The following PP2D1 variants were observed in gnomAD, a reference collection of about 807,000 sequenced individuals.
PP2D1 encodes the protein protein phosphatase 2C-like domain-containing protein 1.
A neutral mutation model predicts 30.2 loss-of-function variants in PP2D1; 25 were observed. That is an observed-to-expected ratio of 0.83 (90% CI 0.60 to 1.16). The LOEUF is 1.16. PP2D1 is among the 50% of genes most tolerant of loss of function. The pLI is 0.00. For synonymous variants in PP2D1, 260 were observed against 258.9 expected (o/e 1.00, Z -0.04); for missense variants, 760 against 742.4 (o/e 1.02, Z -0.28).
chr3:19,980,502 A>C (rs1280894388), downstream of PP2D1, among the ~76,000 whole-genome samples: 2 of 151,754 alleles, frequency 1.3e-5, no homozygotes, highest in Non-Finnish European at 2.9e-5. Flanking sequence ...TAGTAACTTA[A>C]ATCACACAGT....
Position 20,012,098 on chromosome 3 carries a change from C to A in PP2D1, c.-26G>T. The A allele has an allele frequency of 6.6e-7, 1 of 1,525,680 alleles. No individual in the cohort carries two copies. Among genetic ancestry groups the A allele is most frequent in the Admixed American group, 2.0e-5 (1 of 50,564 alleles). 94.5% of individuals were successfully genotyped at this position (1,525,680 alleles called of 1,614,324 possible). On this transcript the variant is annotated 5_prime_UTR_variant, in exon 1 of 3. Transcript: ENST00000389050. Reference sequence around the variant, plus strand: ...GTTCCTTTGGAATTACCTTTCTTTGCCCTCCCTTTATCCCCTTCCCCTGGC... The same window carrying A: ...GTTCCTTTGGAATTACCTTTCTTTGACCTCCCTTTATCCCCTTCCCCTGGC...
chr3:20,011,692 G>A (rs528515149), intron 1 of PP2D1, among the ~76,000 whole-genome samples: 28 of 152,158 alleles, frequency 1.8e-4, no homozygotes, highest in Non-Finnish European at 3.5e-4. Context: ...CCAGCTACTC[G>A]GGAGGCTGAG....
At chr3:19,987,636 A>T (rs1351266517) in intron 2 of PP2D1, among the ~76,000 whole-genome samples, 1 of 152,138 alleles carries the variant, frequency 6.6e-6, no homozygotes, top group East Asian at 1.9e-4. Flanking sequence ...AAGGCCAGGT[A>T]TGGTGGCTTA....
At chr3:19,994,868 T>C (rs62241325) in intron 2 of PP2D1, among the ~76,000 whole-genome samples, 23,218 of 152,158 alleles carry the variant, frequency 0.15, 1,976 homozygotes, top group Non-Finnish European at 0.2. Context: ...TACATGTGTG[T>C]GAGGAAACTC....
chr3:19,986,365 A>G (rs749894285), intron 2 of PP2D1, among the ~76,000 whole-genome samples, 183 bp from the exon 3 acceptor site: 5 of 152,230 alleles, frequency 3.3e-5, no homozygotes, highest in Non-Finnish European at 5.9e-5. Context: ...TACAGATTTC[A>G]AACAGGTCAA....
At chr3:19,982,525 TGGTTACTC>T (rs1332376148), downstream of PP2D1, among the ~76,000 whole-genome samples, 1 of 152,158 alleles carries the variant, frequency 6.6e-6, no homozygotes, top group East Asian at 1.9e-4. Flanking sequence ...AGGCAGCTGA[TGGTTACTC>T]TGCAAGGTGT....
intron 2 of PP2D1, among the ~76,000 whole-genome samples, chr3:19,993,565 G>T (rs768830657): frequency 6.6e-6 from 1 of 151,960 alleles, no homozygotes; most frequent in African/African-American, 2.4e-5. Context: ...GTGAAACCCC[G>T]TCTTTACATA....
At chr3:20,000,899 A>C in intron 2 of PP2D1, 131 bp downstream of exon 2, 1 of 436,070 alleles carries the variant, frequency 2.3e-6, no homozygotes, top group Non-Finnish European at 3.9e-6. Flanking sequence ...TGTTTCTTAT[A>C]TTGATCAATG....
In PP2D1 at chr3:20,001,870, G is replaced by A. The variant is rs779420834; in HGVS notation, c.250C>T (p.Gln84Ter). The change falls in exon 2 of 3, where the codon CAA becomes TAA. Residue 84 changes from glutamine to a stop codon, truncating the protein, a stop_gained. Coordinates refer to ENST00000389050, the MANE Select transcript of PP2D1 (RefSeq NM_001252657.2). LOFTEE classifies it high-confidence loss of function. Reference protein sequence around the residue: ...DLTGIFLHKKQHVALATLGFQ... With the variant: ...DLTGIFLHKK ...CCCAGCGTGGCCAGAGCTACATGTTGCTTCTTATGGAGAAAAATACCAGTT... is the reference window on the plus strand; with the variant it reads ...CCCAGCGTGGCCAGAGCTACATGTTACTTCTTATGGAGAAAAATACCAGTT... 7.5e-5 allele frequency: 115 copies of A among 1,536,052 alleles called. No individual in the cohort carries two copies. In the East Asian group the frequency reaches 2.2e-3, roughly 30 times the overall value.
chr3:20,001,653 C>T lies in PP2D1; in HGVS notation c.467G>A (p.Ser156Asn). The T allele has an allele frequency of 6.5e-7, 1 of 1,536,070 alleles. No homozygotes were observed. Among genetic ancestry groups the T allele is most frequent in the Non-Finnish European group, 8.7e-7 (1 of 1,146,794 alleles). ...ACATATTTTTTGAGAATATATGACA[C>T]TCCTGTCAATGTTATCAAAAATCTT... is the stretch of plus-strand genomic sequence containing the variant. ...YYKIFDNIDR[S>N]VIYSQKICHL... The change falls in exon 2 of 3, where the codon AGT becomes AAT. Residue 156 changes from serine (S) to asparagine (N), a missense_variant. Physicochemically the swap from Ser to Asn is conservative, Grantham distance 46 (BLOSUM62 1). This residue lies in a region of PP2D1 where 374 missense variants were observed against 388.8 expected (regional missense o/e 0.96). Coordinates refer to ENST00000389050, the MANE Select transcript of PP2D1 (RefSeq NM_001252657.2).
chr3:20,011,691 C>T (rs138683950), intron 1 of PP2D1, among the ~76,000 whole-genome samples: 4,021 of 151,962 alleles, frequency 0.026, 171 homozygotes, highest in African/African-American at 0.092. Context: ...CCCAGCTACT[C>T]GGGAGGCTGA....
chr3:19,980,449 T>TC (rs1368370608), downstream of PP2D1, among the ~76,000 whole-genome samples: 2 of 151,670 alleles, frequency 1.3e-5, no homozygotes, highest in Non-Finnish European at 2.9e-5. Flanking sequence ...TAGTAAATTT[T>TC]TTTTTCTTTT....
chr3:19,985,196 C>CT (rs1209130911), downstream of PP2D1: 104 of 521,442 alleles, frequency 2.0e-4, no homozygotes, highest in South Asian at 3.7e-4. Flanking sequence ...TTCTCTTTTC[C>CT]TTTTTTTTGG....
chr3:19,996,478 G>A (rs1454100999), intron 2 of PP2D1, among the ~76,000 whole-genome samples: 1 of 152,084 alleles, frequency 6.6e-6, no homozygotes, highest in Non-Finnish European at 1.5e-5. Context: ...GGACCAGATG[G>A]CTTCACTGCT....
intron 2 of PP2D1, among the ~76,000 whole-genome samples, chr3:19,986,831 T>C (rs1405227158): frequency 6.6e-6 from 1 of 152,126 alleles, no homozygotes; most frequent in Non-Finnish European, 1.5e-5. Context: ...GGTCAGGCGT[T>C]CGAGACCAGC....
At chr3:19,980,433 C>G (rs183468847), downstream of PP2D1, among the ~76,000 whole-genome samples, 19 of 143,230 alleles carry the variant, frequency 1.3e-4, no homozygotes, top group Non-Finnish European at 4.5e-5. Context: ...ATTTCCTTCA[C>G]TAGGTTAGTA....
rs1697019485 is a variant in PP2D1, at chr3:19,985,657, T to C, written c.1616A>G (p.Tyr539Cys). The C allele has an allele frequency of 6.5e-7, 1 of 1,535,814 alleles. No individual in the cohort carries two copies. Among genetic ancestry groups the C allele is most frequent in the Non-Finnish European group, 8.7e-7 (1 of 1,146,674 alleles). The change falls in exon 3 of 3, where the codon TAT becomes TGT. Residue 539 changes from tyrosine (Y) to cysteine (C), a missense_variant. Transcript: ENST00000389050. ...NSKENLSDSN[Y>C]SKYCIYNPEN... ...AGGGTTATAAATACAGTATTTAGAA[T>C]AGTTTGAATCGGATAAATTTTCTTT... is the stretch of plus-strand genomic sequence containing the variant.
chr3:19,987,399 CATTTATG>C (rs1697054050), intron 2 of PP2D1, among the ~76,000 whole-genome samples: 2 of 152,010 alleles, frequency 1.3e-5, no homozygotes, highest in South Asian at 4.1e-4. Context: ...GATATTAAAT[CATTTATG>C]ATTTATAGAA....
At chr3:19,981,169 A>G (rs1379906708), downstream of PP2D1, among the ~76,000 whole-genome samples, 1 of 152,196 alleles carries the variant, frequency 6.6e-6, no homozygotes, top group Non-Finnish European at 1.5e-5. Flanking sequence ...CAAGGATCTT[A>G]TGTATTAAAA....
Sources: allele counts gnomAD v4.1 joint callset (sites outside exome capture counted in the v4.1 genomes callset), GRCh38; gene constraint gnomAD v4.1.1; regional missense constraint gnomAD v4.1.1; transcripts MANE v1.5; gene names NCBI Gene and HGNC (gene_info 2026-07-23, HGNC 2026-07-21).